Variants in TTLL9 observed in about 807,000 individuals in gnomAD.
TTLL9 encodes the protein probable tubulin polyglutamylase TTLL9.
TTLL9 carries 47 observed loss-of-function variants against 65.6 expected under a neutral mutation model. The ratio of observed to expected loss-of-function variants is 0.72; its 90% confidence interval spans 0.57 to 0.91. TTLL9 has a LOEUF of 0.91. TTLL9 is among the 40% of genes least tolerant of loss of function. The pLI is 0.00. For synonymous variants in TTLL9, 179 were observed against 204.8 expected, an observed-to-expected ratio of 0.87 and a Z score of 1.07; for missense variants, 537 against 568.8, an observed-to-expected ratio of 0.94 and a Z score of 0.57.
intron 6 of TTLL9, among the ~76,000 whole-genome samples, chr20:31,912,994 C>T (rs907131525): frequency 1.3e-5 from 2 of 151,820 alleles, no homozygotes; most frequent in East Asian, 1.9e-4. Flanking sequence ...TTAGTCTCTA[C>T]AAAAAATACA....
intron 2 of TTLL9, among the ~76,000 whole-genome samples, chr20:31,872,536 G>T (rs540172369): frequency 6.6e-6 from 1 of 151,722 alleles, no homozygotes; most frequent in East Asian, 1.9e-4. Flanking sequence ...AAAATTAGCC[G>T]GGACCTGTAG....
chr20:31,898,615 C>A, intron 4 of TTLL9, 50 bp downstream of exon 4: 1 of 1,535,488 alleles, frequency 6.5e-7, no homozygotes, highest in South Asian at 1.1e-5. Context: ...TCTCACAGGT[C>A]CTTGTCTTCC....
At chr20:31,873,347 A>G (rs917730088) in intron 2 of TTLL9, among the ~76,000 whole-genome samples, 1 of 152,132 alleles carries the variant, frequency 6.6e-6, no homozygotes, top group African/African-American at 2.4e-5. Context: ...CGACCCATGG[A>G]TGCTGTAAAG....
At chr20:31,922,172 C>T (rs1279798168) in intron 7 of TTLL9, among the ~76,000 whole-genome samples, 1 of 150,918 alleles carries the variant, frequency 6.6e-6, no homozygotes, top group African/African-American at 2.4e-5. Flanking sequence ...GGCTGAGGCA[C>T]AAGAGTTGCT....
At chr20:31,936,204 T>C (rs1333239757) in intron 12 of TTLL9, among the ~76,000 whole-genome samples, 2 of 152,360 alleles carry the variant, frequency 1.3e-5, no homozygotes, top group East Asian at 3.9e-4. Flanking sequence ...GTCTTTGGGC[T>C]GCTTTTGGCC....
Position 31,939,249 on chromosome 20 carries a change from T to G in TTLL9, c.1226T>G (p.Val409Gly). 6.2e-7 allele frequency: 1 copy of G among 1,613,638 alleles called. No homozygotes were observed. Among genetic ancestry groups the G allele is most frequent in the Non-Finnish European group, 8.5e-7 (1 of 1,179,832 alleles). Reference sequence around the variant, plus strand: ...GACCTGTCGGGAATGGGAAACTTTGTGACCAACACACATCTCGGTATGTAG... The same window carrying G: ...GACCTGTCGGGAATGGGAAACTTTGGGACCAACACACATCTCGGTATGTAG... The part of the protein sequence containing the change: ...APDLSGMGNF[V>G]TNTHLGCVND... Residue 409 changes from valine (V) to glycine (G), a missense_variant, in exon 14 of 15, where the codon GTG becomes GGG. By Grantham distance (109) the Val-to-Gly change is moderately radical (BLOSUM62 -3). Transcript: ENST00000535842.
chr20:31,903,055 A>C (rs1470056991), intron 4 of TTLL9, among the ~76,000 whole-genome samples: 1 of 151,392 alleles, frequency 6.6e-6, no homozygotes, highest in Non-Finnish European at 1.5e-5. Flanking sequence ...TTTTTTGGAG[A>C]GATGGGGTCT....
At chr20:31,923,772 G>A (rs1413496605) in intron 8 of TTLL9, among the ~76,000 whole-genome samples, 2 of 151,928 alleles carry the variant, frequency 1.3e-5, no homozygotes, top group Non-Finnish European at 2.9e-5. Flanking sequence ...CTCCTCCCAC[G>A]TCCTCTGGCA....
At chr20:31,920,051 C>A in intron 7 of TTLL9, 119 bp downstream of exon 7, 1 of 913,780 alleles carries the variant, frequency 1.1e-6, no homozygotes, top group Non-Finnish European at 1.5e-6. Flanking sequence ...GCCCACAGGT[C>A]TGCCCATTGG....
chr20:31,879,900 A>T, intron 2 of TTLL9: 1 of 1,549,736 alleles, frequency 6.5e-7, no homozygotes, highest in Non-Finnish European at 8.7e-7. Flanking sequence ...GACCGAAGGT[A>T]GGAGTCGACC....
chr20:31,919,772 G>C (rs542293826), intron 6 of TTLL9, 92 bp from the exon 7 acceptor site: 7 of 1,043,190 alleles, frequency 6.7e-6, no homozygotes, highest in Non-Finnish European at 8.2e-6. Flanking sequence ...AGGAAAAAGA[G>C]ACAGATATGC....
At chr20:31,879,071 C>T (rs2063073707) in intron 2 of TTLL9, among the ~76,000 whole-genome samples, 1 of 152,180 alleles carries the variant, frequency 6.6e-6, no homozygotes, top group Admixed American at 6.6e-5. Context: ...GCCTGTAATC[C>T]CAGCACTTTT....
intron 6 of TTLL9, 143 bp from the exon 7 acceptor site, chr20:31,919,721 C>G (rs1174582861): frequency 1.7e-6 from 1 of 581,356 alleles, no homozygotes; most frequent in East Asian, 3.4e-5. Flanking sequence ...TGTTCCAGCC[C>G]CTTCAGCTAG....
intron 10 of TTLL9, among the ~76,000 whole-genome samples, chr20:31,931,216 A>G (rs2064003885): frequency 6.6e-6 from 1 of 151,302 alleles, no homozygotes; most frequent in African/African-American, 2.4e-5. Context: ...TGTAGCTGGG[A>G]CCACAGGCAC....
intron 2 of TTLL9, among the ~76,000 whole-genome samples, chr20:31,872,807 C>T (rs2062957014): frequency 6.6e-6 from 1 of 152,200 alleles, no homozygotes; most frequent in South Asian, 2.1e-4. Flanking sequence ...CTGTAAAAAG[C>T]CAGTGGGACT....
intron 7 of TTLL9, 80 bp downstream of exon 7, chr20:31,920,012 A>G: frequency 7.6e-7 from 1 of 1,307,750 alleles, no homozygotes; most frequent in Non-Finnish European, 1.0e-6. Context: ...TCCTGCAATC[A>G]AAGCTCAGAG....
chr20:31,903,076 C>T (rs775089012), intron 4 of TTLL9, among the ~76,000 whole-genome samples: 2 of 151,762 alleles, frequency 1.3e-5, no homozygotes, highest in African/African-American at 2.4e-5. Flanking sequence ...CATTATGTTA[C>T]CTAGACTCAT....
intron 3 of TTLL9, among the ~76,000 whole-genome samples, chr20:31,891,496 A>G (rs1662459821): frequency 6.8e-6 from 1 of 146,954 alleles, no homozygotes; most frequent in Non-Finnish European, 1.5e-5. Context: ...TCCTTATTTT[A>G]TCTTTTTTTT....
chr20:31,942,997 A>T lies in TTLL9; in HGVS notation c.1296A>T (p.Gln432His), dbSNP rs770998381. The stretch of plus-strand genomic sequence containing the variant: ...TGAGGCAGCTCTTCTGCTCCCTTCA[A>T]GTTCAGAAGAAAGCTTCCAGTTGAT... Reference protein sequence around the residue: ...KQLRQLFCSLQVQKKASS With the variant: ...KQLRQLFCSLHVQKKASS The change falls in exon 15 of 15, where the codon CAA becomes CAT. Residue 432 changes from glutamine to histidine, a missense_variant. Gln to His is a conservative substitution (Grantham distance 24). Transcript: ENST00000535842. 3.7e-6 allele frequency: 6 copies of T among 1,613,986 alleles called. No homozygotes were observed. In the South Asian group the frequency reaches 6.6e-5, roughly 18 times the overall value.
Sources: gnomAD v4.1 joint callset for allele counts (sites outside exome capture counted in the v4.1 genomes callset) on GRCh38, gnomAD v4.1.1 for gene constraint, MANE v1.5 for transcripts, NCBI Gene and HGNC (gene_info 2026-07-23, HGNC 2026-07-21) for gene names.